The following NPNT variants were observed in gnomAD, a reference collection of about 807,000 sequenced individuals.
NPNT encodes the protein preosteoblast EGF-like repeat protein with MAM domain.
In NPNT, 45 loss-of-function variants were observed where a neutral mutation model predicts 68.6. The observed-to-expected ratio is 0.66, with a 90% CI of 0.52 to 0.84. NPNT has a LOEUF of 0.84. NPNT is among the 40% of genes least tolerant of loss of function. NPNT has a pLI of 0.00. For synonymous variants in NPNT, 233 were observed against 253.3 expected (o/e 0.92, Z 0.76); for missense variants, 672 against 714.8 (o/e 0.94, Z 0.68).
intron 3 of NPNT, among the ~76,000 whole-genome samples, chr4:105,929,816 G>C (rs2149358283): frequency 6.6e-6 from 1 of 152,234 alleles, no homozygotes; most frequent in East Asian, 1.9e-4. Flanking sequence ...ATGCTTTAAA[G>C]ACATGCTAAA....
intron 3 of NPNT, among the ~76,000 whole-genome samples, chr4:105,935,185 C>G (rs1167454311): frequency 6.6e-6 from 1 of 152,146 alleles, no homozygotes; most frequent in Non-Finnish European, 1.5e-5. Context: ...CCATCAGTAT[C>G]CTTTTCTCGA....
At position 105,936,808 on chromosome 4, in the gene NPNT, A is replaced by T. The variant is rs183970228; in HGVS notation, c.266-201A>T. On this transcript the variant is annotated intron_variant, in intron 3 of 11. Coordinates refer to ENST00000379987, the MANE Select transcript of NPNT (RefSeq NM_001033047.3). ...TTATAAACAGAGATCCATAAAGGTCATGGCGACTCCTGGTTGCCCCTAGTG... is the reference window on the plus strand; with the variant it reads ...TTATAAACAGAGATCCATAAAGGTCTTGGCGACTCCTGGTTGCCCCTAGTG... Among the ~76,000 whole-genome samples, 334 of 152,358 alleles carry T rather than the reference A, an allele frequency of 2.2e-3. 1 individual carries two copies. Among genetic ancestry groups the T allele is most frequent in the African/African-American group, 7.8e-3 (323 of 41,598 alleles).
intron 3 of NPNT, among the ~76,000 whole-genome samples, chr4:105,936,727 T>C (rs1257606434): frequency 6.6e-6 from 1 of 152,210 alleles, no homozygotes; most frequent in Non-Finnish European, 1.5e-5. Flanking sequence ...AGTATGCTGC[T>C]GTTTCTAGGG....
intron 8 of NPNT, among the ~76,000 whole-genome samples, chr4:105,944,810 G>T (rs1453953764): frequency 6.6e-6 from 1 of 152,216 alleles, no homozygotes; most frequent in African/African-American, 2.4e-5. Flanking sequence ...GAATGCTTTA[G>T]ATGCTTTTTG....
In NPNT at chr4:105,942,394, A is replaced by T. The variant is rs753630383; in HGVS notation, c.851A>T (p.Asn284Ile). The change falls in exon 8 of 12, where the codon AAT (asparagine) becomes ATT (isoleucine). Residue 284 changes from asparagine to isoleucine, a missense_variant. Coordinates refer to ENST00000379987, the MANE Select transcript of NPNT (RefSeq NM_001033047.3). ...GTILKGDTGN[N>I]NWIPDVGSTW... ...ATTTTAAAGGGTGACACAGGAAATA[A>T]TAATTGGATTCCTGATGTTGGAAGT... 6.2e-7 allele frequency: 1 copy of T among 1,613,902 alleles called. No individual in the cohort carries two copies. Among genetic ancestry groups the T allele is most frequent in the Non-Finnish European group, 8.5e-7 (1 of 1,179,876 alleles).
At chr4:105,922,264 A>G (rs1728312736) in intron 2 of NPNT, among the ~76,000 whole-genome samples, 1 of 152,008 alleles carries the variant, frequency 6.6e-6, no homozygotes, top group Admixed American at 6.6e-5. Flanking sequence ...CTTACATAAG[A>G]AACATTATAG....
At chr4:105,946,744 A>G (rs1390528390) in intron 8 of NPNT, among the ~76,000 whole-genome samples, 1 of 152,186 alleles carries the variant, frequency 6.6e-6, no homozygotes, top group African/African-American at 2.4e-5. Context: ...GACAAGGGCA[A>G]AATCACAAAC....
At chr4:105,959,782 T>C (rs970402653) in intron 10 of NPNT, among the ~76,000 whole-genome samples, 3 of 151,832 alleles carry the variant, frequency 2.0e-5, no homozygotes, top group Admixed American at 6.6e-5. Flanking sequence ...AGATTCAAGA[T>C]AGCTTTTCTC....
intron 8 of NPNT, among the ~76,000 whole-genome samples, chr4:105,953,323 T>G (rs911106732): frequency 3.3e-5 from 5 of 152,196 alleles, no homozygotes. Flanking sequence ...CACCAGAGAT[T>G]TAACTTTTTT....
chr4:105,958,113 A>G (rs1367335503), intron 8 of NPNT, among the ~76,000 whole-genome samples: 3 of 152,222 alleles, frequency 2.0e-5, no homozygotes, highest in African/African-American at 2.4e-5. Flanking sequence ...TAAAGATCAT[A>G]ATAATGTATC....
chr4:105,940,537 C>G lies in NPNT; in HGVS notation c.664C>G (p.Gln222Glu), dbSNP rs1179423351. Residue 222 changes from glutamine (Q) to glutamate (E), a missense_variant, in exon 7 of 12, where the codon CAG becomes GAG. Transcript: ENST00000379987. The stretch of plus-strand genomic sequence containing the variant: ...AGACATAGACGAATGCTCACTTGGT[C>G]AGTATCAGTGCAGCAGCTTTGCTCG... Reference protein sequence around the residue: ...CHDIDECSLGQYQCSSFARCY... With the variant: ...CHDIDECSLGEYQCSSFARCY... 6 of 1,612,942 alleles carry G rather than the reference C, an allele frequency of 3.7e-6. No individual in the cohort carries two copies. The highest frequency in any genetic ancestry group is 4.2e-6 in the Non-Finnish European group (5 of 1,179,160).
At chr4:105,964,129 A>C (rs1237467414) in intron 10 of NPNT, among the ~76,000 whole-genome samples, 1 of 152,224 alleles carries the variant, frequency 6.6e-6, no homozygotes, top group Non-Finnish European at 1.5e-5. Flanking sequence ...AACATATGTA[A>C]GGCATTTCAA....
intron 2 of NPNT, among the ~76,000 whole-genome samples, chr4:105,920,397 A>G (rs1460636032): frequency 9.8e-5 from 1 of 10,164 alleles, no homozygotes; most frequent in East Asian, 0.029. Flanking sequence ...TACTCTACTA[A>G]AAAAAAAAAA....
intron 3 of NPNT, among the ~76,000 whole-genome samples, chr4:105,933,964 A>G (rs932970875): frequency 1.3e-5 from 2 of 152,220 alleles, no homozygotes; most frequent in African/African-American, 4.8e-5. Context: ...AGATAAGCAC[A>G]TGAAATAATT....
chr4:105,939,612 A>G (rs947703264), intron 5 of NPNT, among the ~76,000 whole-genome samples: 3 of 152,226 alleles, frequency 2.0e-5, no homozygotes, highest in African/African-American at 7.2e-5. Flanking sequence ...GGAGGGGGTA[A>G]GTAACAGCAA....
intron 2 of NPNT, among the ~76,000 whole-genome samples, chr4:105,918,264 A>C (rs1262922488): frequency 2.0e-5 from 3 of 152,208 alleles, no homozygotes; most frequent in Non-Finnish European, 4.4e-5. Flanking sequence ...TAATTTTAAA[A>C]ATAATTAATG....
chr4:105,956,389 C>A (rs1731226128), intron 8 of NPNT, among the ~76,000 whole-genome samples: 1 of 151,984 alleles, frequency 6.6e-6, no homozygotes, highest in African/African-American at 2.4e-5. Flanking sequence ...CTCTTGATCT[C>A]CCTTTTTATA....
chr4:105,942,745 T>G (rs757731773), intron 8 of NPNT, 43 bp downstream of exon 8: 3 of 1,535,566 alleles, frequency 2.0e-6, no homozygotes, highest in Non-Finnish European at 1.8e-6. Context: ...AGGCTCTTTA[T>G]AATGACTTTT....
rs1560882010 is a variant in NPNT, at chr4:105,898,367, TCTCTCTCTCTCTC to T, written c.172+367_172+379del. On this transcript the variant is annotated intron_variant, in intron 2 of 11. Transcript: ENST00000379987. ...CTCTCTCTCTCTCTCTCTCTCTCTC[TCTCTCTCTCTCTC>T]GCTGACTCGCTTGCTCCAGGCTGGG... Among the ~76,000 whole-genome samples the T allele has an allele frequency of 2.6e-3, 338 of 129,598 alleles. 3 individuals are homozygous for T. The highest frequency in any genetic ancestry group is 9.8e-3 in the African/African-American group (268 of 27,474). The allele number at this position is 129,598 out of a possible 152,430, so 85.0% of individuals were successfully genotyped here.
Sources: gnomAD v4.1 joint callset for allele counts (sites outside exome capture counted in the v4.1 genomes callset) on GRCh38, gnomAD v4.1.1 for gene constraint, MANE v1.5 for transcripts, NCBI Gene and HGNC (gene_info 2026-07-23, HGNC 2026-07-21) for gene names.